The following DTNBP1 variants were observed in gnomAD, a reference collection of about 807,000 sequenced individuals.
The protein encoded by DTNBP1 is dysbindin.
In DTNBP1, 35 loss-of-function variants were observed where a neutral mutation model predicts 42.8. That is an observed-to-expected ratio of 0.82 (90% CI 0.63 to 1.09). The LOEUF is 1.09. Ranked by LOEUF, DTNBP1 falls within the 50% of genes least tolerant of loss-of-function variation. The pLI is 0.00. For synonymous variants in DTNBP1, 171 were observed against 162.2 expected (o/e 1.05, Z -0.41); for missense variants, 457 against 424.2 (o/e 1.08, Z -0.68).
chr6:15,649,442 C>T (rs1760862752), intron 3 of DTNBP1, among the ~76,000 whole-genome samples: 1 of 152,008 alleles, frequency 6.6e-6, no homozygotes, highest in Admixed American at 6.6e-5. Flanking sequence ...ATATGATGTT[C>T]CTAGAATAGT....
At position 15,640,684 on chromosome 6, in the gene DTNBP1, A is replaced by C. The variant is rs186247221; in HGVS notation, c.162-2880T>G. Among the ~76,000 whole-genome samples, 881 of 152,362 alleles carry C rather than the reference A, an allele frequency of 5.8e-3. 9 individuals carry two copies. The highest frequency in any genetic ancestry group is 0.026 in the Admixed American group (405 of 15,310). On this transcript the variant is annotated intron_variant, in intron 3 of 9. Transcript: ENST00000344537. ...ATTTAGGAAATAGAGAGAAGATGTC[A>C]GAGTAAGAGGCATCTAGAATCTGTC...
intron 7 of DTNBP1, among the ~76,000 whole-genome samples, chr6:15,535,681 G>A (rs937993766): frequency 4.6e-5 from 7 of 152,126 alleles, no homozygotes; most frequent in Admixed American, 4.6e-4. Flanking sequence ...GGAGAGAGTG[G>A]GGTATTGATA....
At chr6:15,584,755 G>A (rs1775991640) in intron 7 of DTNBP1, among the ~76,000 whole-genome samples, 1 of 121,822 alleles carries the variant, frequency 8.2e-6, no homozygotes, top group African/African-American at 3.2e-5. Flanking sequence ...GCTTCTACCT[G>A]ACAAGGCATG....
chr6:15,546,254 T>C (rs928200991), intron 7 of DTNBP1, among the ~76,000 whole-genome samples: 8 of 151,768 alleles, frequency 5.3e-5, no homozygotes, highest in African/African-American at 1.9e-4. Flanking sequence ...TTAGTAGAGA[T>C]GGGGTTTCAT....
At chr6:15,565,668 C>T (rs1156703965) in intron 7 of DTNBP1, among the ~76,000 whole-genome samples, 1 of 152,270 alleles carries the variant, frequency 6.6e-6, no homozygotes, top group East Asian at 1.9e-4. Flanking sequence ...TTATGCTTAT[C>T]TGGGGCTGGG....
In DTNBP1 at chr6:15,626,475, T is replaced by C. The variant is rs1759354703; in HGVS notation, c.355+868A>G. Among the ~76,000 whole-genome samples, 11 of 152,158 alleles carry C rather than the reference T, an allele frequency of 7.2e-5. 1 individual carries two copies. Among genetic ancestry groups the C allele is most frequent in the Admixed American group, 6.5e-4 (10 of 15,278 alleles). ...CAATATTAAAAACAGGAGGAGATAA[T>C]AGGGTATCTTTAGCTTCCCACCTAA... On this transcript the variant is annotated intron_variant, in intron 5 of 9. Coordinates refer to ENST00000344537, the MANE Select transcript of DTNBP1 (RefSeq NM_032122.5).
chr6:15,538,268 G>C (rs1415834131), intron 7 of DTNBP1, among the ~76,000 whole-genome samples: 1 of 152,172 alleles, frequency 6.6e-6, no homozygotes, highest in East Asian at 1.9e-4. Context: ...ATTATCTGTT[G>C]CTGGGTTGGA....
intron 9 of DTNBP1, chr6:15,523,864 G>C: frequency 7.8e-7 from 1 of 1,287,224 alleles, no homozygotes; most frequent in Admixed American, 2.3e-5. Flanking sequence ...TTTAGAGGAA[G>C]CTGAAACCGT....
intron 5 of DTNBP1, among the ~76,000 whole-genome samples, chr6:15,624,373 A>AT (rs1370407659): frequency 6.6e-6 from 1 of 152,238 alleles, no homozygotes; most frequent in Non-Finnish European, 1.5e-5. Flanking sequence ...GTAAGTATCA[A>AT]TTAAATAGGC....
intron 4 of DTNBP1, among the ~76,000 whole-genome samples, chr6:15,637,218 C>A (rs1404024798): frequency 6.6e-6 from 1 of 152,150 alleles, no homozygotes; most frequent in African/African-American, 2.4e-5. Context: ...TGGCTATGTA[C>A]ATTTACCAAG....
intron 6 of DTNBP1, among the ~76,000 whole-genome samples, chr6:15,605,948 A>G (rs1758025390): frequency 6.6e-6 from 1 of 152,242 alleles, no homozygotes; most frequent in Admixed American, 6.5e-5. Context: ...TAACAGTAAT[A>G]TCATTTTACA....
intron 7 of DTNBP1, among the ~76,000 whole-genome samples, chr6:15,553,618 G>GTTTTTTTTTTTT (rs1774344673): frequency 9.3e-5 from 1 of 10,796 alleles, no homozygotes. Flanking sequence ...GCCTCAGACA[G>GTTTTTTTTTTTT]CTTTGCCATT....
chr6:15,524,758 G>A, intron 8 of DTNBP1, 89 bp from the exon 9 acceptor site: 2 of 1,556,316 alleles, frequency 1.3e-6, no homozygotes, highest in Non-Finnish European at 8.7e-7. Flanking sequence ...TAACTACATT[G>A]CATTTCCTAA....
chr6:15,652,435 G>A (rs1267310307), intron 1 of DTNBP1, among the ~76,000 whole-genome samples: 1 of 151,930 alleles, frequency 6.6e-6, no homozygotes, highest in Non-Finnish European at 1.5e-5. Context: ...TCCTGCCTCA[G>A]CCTCCCAAAA....
At chr6:15,551,335 C>T in intron 7 of DTNBP1, among the ~76,000 whole-genome samples, 1 of 152,318 alleles carries the variant, frequency 6.6e-6, no homozygotes, top group Non-Finnish European at 1.5e-5. Context: ...TTACCCCTCA[C>T]TCTTCCTGTT....
At chr6:15,628,459 G>T (rs1295479181) in intron 4 of DTNBP1, among the ~76,000 whole-genome samples, 2 of 135,394 alleles carry the variant, frequency 1.5e-5, no homozygotes, top group African/African-American at 5.6e-5. Context: ...AGGCTGGAGT[G>T]CAGTGGTGCT....
At chr6:15,586,682 T>C (rs532289014) in intron 7 of DTNBP1, among the ~76,000 whole-genome samples, 3 of 152,262 alleles carry the variant, frequency 2.0e-5, no homozygotes, top group African/African-American at 7.2e-5. Flanking sequence ...TGAGTCACAA[T>C]GGTGAACAAG....
intron 8 of DTNBP1, among the ~76,000 whole-genome samples, chr6:15,529,487 T>C (rs775459787): frequency 6.6e-6 from 1 of 152,248 alleles, no homozygotes; most frequent in Non-Finnish European, 1.5e-5. Context: ...ATTCTATCTT[T>C]TCTAACTTTA....
At chr6:15,652,695 G>A (rs2743856) in intron 1 of DTNBP1, among the ~76,000 whole-genome samples, 38,816 of 152,008 alleles carry the variant, frequency 0.26, 5,715 homozygotes, top group African/African-American at 0.4. Context: ...TGGTGCGATT[G>A]TAGCTTACTG....
Sources: gnomAD v4.1 joint callset for allele counts (sites outside exome capture counted in the v4.1 genomes callset) on GRCh38, gnomAD v4.1.1 for gene constraint, MANE v1.5 for transcripts, NCBI Gene and HGNC (gene_info 2026-07-23, HGNC 2026-07-21) for gene names.